Variants in PEAK1 observed in about 807,000 individuals in gnomAD.
PEAK1 encodes the protein pseudopodium enriched atypical kinase 1.
A neutral mutation model predicts 124.7 loss-of-function variants in PEAK1; 54 were observed. That is an observed-to-expected ratio of 0.43 (90% CI 0.35 to 0.54). PEAK1 has a LOEUF of 0.54. PEAK1 is among the 20% of genes least tolerant of loss of function. The pLI is 0.01. For synonymous variants in PEAK1, 719 were observed against 760.0 expected (o/e 0.95, Z 0.89); for missense variants, 2,046 against 2,134.5 (o/e 0.96, Z 0.82).
intron 8 of PEAK1, among the ~76,000 whole-genome samples, chr15:77,145,535 T>A (rs191218743): frequency 6.6e-6 from 1 of 152,150 alleles, no homozygotes; most frequent in Non-Finnish European, 1.5e-5. Flanking sequence ...TGGTAGGTAA[T>A]CATTACAGTC....
At chr15:77,304,724 G>A (rs1336070090) in intron 2 of PEAK1, among the ~76,000 whole-genome samples, 1 of 152,042 alleles carries the variant, frequency 6.6e-6, no homozygotes, top group Non-Finnish European at 1.5e-5. Flanking sequence ...TGGGATTACA[G>A]GCATAAGCCA....
intron 1 of PEAK1, among the ~76,000 whole-genome samples, chr15:77,409,450 T>C (rs1367119387): frequency 6.6e-6 from 1 of 152,198 alleles, no homozygotes; most frequent in African/African-American, 2.4e-5. Flanking sequence ...GAGATTCAGC[T>C]CCAGGCAGTC....
chr15:77,386,126 G>A (rs536644480), intron 1 of PEAK1, among the ~76,000 whole-genome samples: 1 of 152,282 alleles, frequency 6.6e-6, no homozygotes, highest in Admixed American at 6.5e-5. Context: ...TAGAACTAAA[G>A]GCCAGGAATA....
chr15:77,348,629 G>A (rs1490912993), intron 2 of PEAK1: 1 of 982,784 alleles, frequency 1.0e-6, no homozygotes, highest in Non-Finnish European at 1.2e-6. Flanking sequence ...CCTAAATGTG[G>A]TATACATTTT....
At chr15:77,369,115 A>C (rs2068466018) in intron 1 of PEAK1, among the ~76,000 whole-genome samples, 1 of 152,246 alleles carries the variant, frequency 6.6e-6, no homozygotes, top group African/African-American at 2.4e-5. Flanking sequence ...AAGCACTAAA[A>C]TAATGTGTGC....
intron 2 of PEAK1, chr15:77,348,104 GAAAGA>G: frequency 1.0e-6 from 1 of 977,870 alleles, no homozygotes; most frequent in Non-Finnish European, 1.2e-6. Flanking sequence ...GAGAAAAAAA[GAAAGA>G]AACAACAATG....
intron 5 of PEAK1, among the ~76,000 whole-genome samples, chr15:77,283,554 A>C (rs886344678): frequency 3.3e-5 from 5 of 152,212 alleles, no homozygotes; most frequent in African/African-American, 4.8e-5. Context: ...ACACAGTTGT[A>C]GCTCTACAAC....
At chr15:77,376,028 T>TAAA in intron 1 of PEAK1, among the ~76,000 whole-genome samples, 1 of 149,140 alleles carries the variant, frequency 6.7e-6, no homozygotes, top group Admixed American at 6.7e-5. Flanking sequence ...AATAAATAAA[T>TAAA]AAATAAATAA....
intron 6 of PEAK1, among the ~76,000 whole-genome samples, chr15:77,212,930 A>C (rs185133569): frequency 1.3e-5 from 2 of 152,282 alleles, no homozygotes; most frequent in Admixed American, 6.5e-5. Flanking sequence ...ATACCTCCTA[A>C]AGTTCAGTGT....
At chr15:77,209,590 A>C (rs1052483219) in intron 6 of PEAK1, among the ~76,000 whole-genome samples, 3 of 152,182 alleles carry the variant, frequency 2.0e-5, no homozygotes, top group Non-Finnish European at 4.4e-5. Context: ...TAGTTAGAAA[A>C]CTCTGGCAAA....
At chr15:77,116,963 C>T (rs938863428) in intron 9 of PEAK1, among the ~76,000 whole-genome samples, 2 of 152,120 alleles carry the variant, frequency 1.3e-5, no homozygotes, top group African/African-American at 4.8e-5. Context: ...ATCCTATATG[C>T]TCATCAATCA....
At position 77,332,145 on chromosome 15, in the gene PEAK1, T is replaced by A. The variant is rs1156958546; in HGVS notation, c.-603+33018A>T. On this transcript the variant is annotated intron_variant, in intron 2 of 9. Coordinates refer to ENST00000682557, the MANE Select transcript of PEAK1 (RefSeq NM_001385026.1). ...TCTCAAAAAAATATAAAAATAAATT[T>A]AAAAATAAGTTGCTTTAGAGAATAG... 4.2e-5 allele frequency: 39 copies of A among 920,614 alleles called. No individual in the cohort carries two copies. In the African/African-American group the frequency reaches 6.2e-4, roughly 15 times the overall value. The allele number at this position is 920,614 out of a possible 1,614,324, so 57.0% of individuals were successfully genotyped here.
At chr15:77,292,076 A>G (rs1382143381) in intron 2 of PEAK1, among the ~76,000 whole-genome samples, 1 of 152,166 alleles carries the variant, frequency 6.6e-6, no homozygotes, top group Non-Finnish European at 1.5e-5. Flanking sequence ...GGTTATTTGT[A>G]AAAGAGTAGC....
chr15:77,178,788 A>G lies in PEAK1; in HGVS notation c.3137+2T>C. On this transcript the variant is annotated splice_donor_variant, in intron 7 of 9. Transcript: ENST00000682557. LOFTEE classifies it high-confidence loss of function. The stretch of plus-strand genomic sequence containing the variant: ...CATATTCTTCCAGTCTATTTTACAT[A>G]CCTGAGAATCTTTTTAGGAATCTGT... 1 of 1,610,460 alleles carries G rather than the reference A, an allele frequency of 6.2e-7. No homozygotes were observed. The highest frequency in any genetic ancestry group is 8.5e-7 in the Non-Finnish European group (1 of 1,178,012).
rs1000382176 is a variant in PEAK1, at chr15:77,352,869, A to T, written c.-603+12294T>A. 3.0e-6 allele frequency: 3 copies of T among 985,300 alleles called. No homozygotes were observed. The African/African-American group carries it at 5.2e-5, about 17-fold the overall frequency. The allele number at this position is 985,300 out of a possible 1,614,324, so 61.0% of individuals were successfully genotyped here. ...TTTGTTAAAAAAAACAAAAAAAGAC[A>T]TTTAGTGAAGGATCAATGTGTGGAC... On this transcript the variant is annotated intron_variant, in intron 2 of 9. Coordinates refer to ENST00000682557, the MANE Select transcript of PEAK1 (RefSeq NM_001385026.1).
intron 5 of PEAK1, among the ~76,000 whole-genome samples, chr15:77,264,334 A>G (rs997421535): frequency 2.0e-5 from 3 of 152,158 alleles, no homozygotes; most frequent in African/African-American, 7.2e-5. Context: ...TGCAGATGAC[A>G]TGATTGTATA....
At chr15:77,369,439 T>C (rs1461759558) in intron 1 of PEAK1, among the ~76,000 whole-genome samples, 1 of 152,150 alleles carries the variant, frequency 6.6e-6, no homozygotes. Flanking sequence ...TTTTCTAAAT[T>C]CTAGAAACCA....
chr15:77,255,955 T>C (rs2061107658), intron 5 of PEAK1, among the ~76,000 whole-genome samples: 3 of 152,112 alleles, frequency 2.0e-5, no homozygotes, highest in South Asian at 2.1e-4. Flanking sequence ...AAAGACATTA[T>C]AGACACAGGT....
chr15:77,168,237 G>GCACACA (rs113937076), intron 7 of PEAK1, among the ~76,000 whole-genome samples: 58,606 of 146,948 alleles, frequency 0.4, 12,007 homozygotes, highest in Non-Finnish European at 0.48. Context: ...ATGTGCGCGC[G>GCACACA]CACACACACA....
Sources: allele counts gnomAD v4.1 joint callset (sites outside exome capture counted in the v4.1 genomes callset), GRCh38; gene constraint gnomAD v4.1.1; transcripts MANE v1.5; gene names NCBI Gene and HGNC (gene_info 2026-07-23, HGNC 2026-07-21).